Variants in ACSF2 observed in about 807,000 individuals in gnomAD.
ACSF2 encodes the protein acyl-CoA synthetase family member 2.
ACSF2 carries 52 observed loss-of-function variants against 79.3 expected under a neutral mutation model. The observed-to-expected ratio is 0.66, with a 90% CI of 0.53 to 0.83. The LOEUF is 0.83. ACSF2 is among the 40% of genes least tolerant of loss of function. ACSF2 has a pLI of 0.00. For synonymous variants in ACSF2, 283 were observed against 312.6 expected, an observed-to-expected ratio of 0.91 and a Z score of 1.00; for missense variants, 661 against 803.3, an observed-to-expected ratio of 0.82 and a Z score of 2.14.
intron 1 of ACSF2, among the ~76,000 whole-genome samples, chr17:50,427,308 T>TGGA (rs1463337874): frequency 6.6e-6 from 1 of 152,208 alleles, no homozygotes; most frequent in African/African-American, 2.4e-5. Context: ...TAGGAAGAGT[T>TGGA]GGAGGGACAT....
chr17:50,426,240 G>T lies in ACSF2; in HGVS notation c.-22G>T. 4.5e-6 allele frequency: 6 copies of T among 1,323,722 alleles called. No homozygotes were observed. The highest frequency in any genetic ancestry group is 5.8e-6 in the Non-Finnish European group (6 of 1,029,726). 82.0% of individuals were successfully genotyped at this position (1,323,722 alleles called of 1,614,324 possible). A position where few individuals can be genotyped will look rare whatever the true frequency, so the allele number is the denominator to read the frequency against. On this transcript the variant is annotated 5_prime_UTR_variant, in exon 1 of 16. Coordinates refer to ENST00000300441, the MANE Select transcript of ACSF2 (RefSeq NM_025149.6). ...CTCACTTTAAAAGTTTACTCGGGCCGGGACGCAGGGCAAAGCGAGCCATGG... is the reference window on the plus strand; with the variant it reads ...CTCACTTTAAAAGTTTACTCGGGCCTGGACGCAGGGCAAAGCGAGCCATGG...
At chr17:50,454,218 C>T (rs914813597) in intron 1 of ACSF2, among the ~76,000 whole-genome samples, 26 of 148,082 alleles carry the variant, frequency 1.8e-4, no homozygotes, top group African/African-American at 5.3e-4. Context: ...TGCTCTGTCA[C>T]CCAGGCTGGT....
At chr17:50,431,651 T>C (rs6504657) in intron 1 of ACSF2, among the ~76,000 whole-genome samples, 47,631 of 151,996 alleles carry the variant, frequency 0.31, 7,589 homozygotes, top group African/African-American at 0.37. Context: ...AGTGCCACCA[T>C]ACCCAGATCA....
intron 1 of ACSF2, among the ~76,000 whole-genome samples, chr17:50,441,321 C>T (rs564981588): frequency 6.6e-6 from 1 of 152,312 alleles, no homozygotes; most frequent in African/African-American, 2.4e-5. Flanking sequence ...CAGGTATGCA[C>T]GACCACACCC....
chr17:50,461,740 C>A (rs1007317178), intron 4 of ACSF2, 54 bp downstream of exon 4: 11 of 1,601,214 alleles, frequency 6.9e-6, no homozygotes, highest in Admixed American at 5.0e-5. Context: ...CAGGGGGCTG[C>A]ACAGACTCTG....
Position 50,461,951 on chromosome 17 carries a change from T to TGTGTGTGTGTGTGTGCGC in ACSF2, c.508-232_508-231insTGTGTGTGTGTGTGCGCG, listed in dbSNP as rs112810352. Among the ~76,000 whole-genome samples the TGTGTGTGTGTGTGTGCGC allele has an allele frequency of 2.9e-3, 429 of 150,466 alleles. 2 individuals are homozygous for TGTGTGTGTGTGTGTGCGC. Among genetic ancestry groups the TGTGTGTGTGTGTGTGCGC allele is most frequent in the African/African-American group, 9.9e-3 (403 of 40,622 alleles). On this transcript the variant is annotated intron_variant, in intron 4 of 15. Transcript: ENST00000300441. ...AGGTGTGTGTGTGTGTGTGTGTGTGTGCGTGTGTCCATCCTCATATGTGAT... is the reference window on the plus strand; with the variant it reads ...AGGTGTGTGTGTGTGTGTGTGTGTGTGTGTGTGTGTGTGTGCGCGCGTGTGTCCATCCTCATATGTGAT...
rs1370516349 is a variant in ACSF2 at position 50,474,427 on chromosome 17, A to G, written c.1798-75A>G. On this transcript the variant is annotated intron_variant, in intron 15 of 15. Transcript: ENST00000300441. This position sits in a 1 kb window ranked among gnomAD's most constrained non-coding sequence, Gnocchi z 4.2. ...TGGGGACTTTCCCTGTTTTGGCACT[A>G]AGAGCCTGAGAAACCCCTTATTCTT... 8 of 1,561,692 alleles carry G rather than the reference A, an allele frequency of 5.1e-6. No homozygotes were observed. In the East Asian group the frequency reaches 1.3e-4, roughly 26 times the overall value.
chr17:50,458,649 G>A (rs1427579539), intron 1 of ACSF2, among the ~76,000 whole-genome samples: 1 of 152,146 alleles, frequency 6.6e-6, no homozygotes, highest in East Asian at 1.9e-4. Flanking sequence ...TCTCTGCAAG[G>A]ACAGGGACTG....
intron 1 of ACSF2, among the ~76,000 whole-genome samples, chr17:50,446,405 A>G (rs548788363): frequency 2.0e-5 from 3 of 152,054 alleles, no homozygotes; most frequent in Non-Finnish European, 4.4e-5. Context: ...TTACAGGCAC[A>G]TGCCACCATG....
chr17:50,458,112 C>T (rs1396381835), intron 1 of ACSF2, among the ~76,000 whole-genome samples: 1 of 152,132 alleles, frequency 6.6e-6, no homozygotes, highest in East Asian at 1.9e-4. Context: ...TGAGAAGGTT[C>T]CTTCTGATGT....
intron 1 of ACSF2, among the ~76,000 whole-genome samples, chr17:50,447,272 G>A (rs2031361290): frequency 6.6e-6 from 1 of 152,074 alleles, no homozygotes; most frequent in Non-Finnish European, 1.5e-5. Flanking sequence ...AGGTGTGGTG[G>A]CTCACTCTTG....
intron 1 of ACSF2, among the ~76,000 whole-genome samples, chr17:50,451,610 C>A (rs940660067): frequency 6.6e-6 from 1 of 152,144 alleles, no homozygotes; most frequent in Non-Finnish European, 1.5e-5. Context: ...TAACCACACC[C>A]GGCTAATTTT....
At chr17:50,443,306 C>T (rs1283402669) in intron 1 of ACSF2, among the ~76,000 whole-genome samples, 1 of 152,172 alleles carries the variant, frequency 6.6e-6, no homozygotes, top group East Asian at 1.9e-4. Context: ...CCCTTAGATT[C>T]TCCATGGCAG....
intron 1 of ACSF2, among the ~76,000 whole-genome samples, chr17:50,453,704 A>G (rs539982274): frequency 2.0e-5 from 3 of 152,178 alleles, no homozygotes; most frequent in Admixed American, 2.0e-4. Context: ...TGAAGAATGC[A>G]TGAGCTATTT....
intron 10 of ACSF2, chr17:50,468,798 G>A: frequency 1.3e-6 from 2 of 1,549,390 alleles, no homozygotes; most frequent in Non-Finnish European, 1.7e-6. Context: ...CTGAGCAAGA[G>A]CATTGGGCGG....
intron 10 of ACSF2, chr17:50,465,159 G>A: frequency 9.9e-7 from 1 of 1,011,694 alleles, no homozygotes; most frequent in Non-Finnish European, 1.5e-6. Flanking sequence ...AGGGGACCCA[G>A]TCGTCCCCTC....
chr17:50,450,791 C>G (rs958384717), intron 1 of ACSF2: 1 of 152,228 alleles, frequency 6.6e-6, no homozygotes, highest in African/African-American at 2.4e-5. Context: ...CCCATTTGAC[C>G]TCTGTAATCC....
At chr17:50,458,161 G>T (rs1189525895) in intron 1 of ACSF2, among the ~76,000 whole-genome samples, 1 of 152,172 alleles carries the variant, frequency 6.6e-6, no homozygotes. Flanking sequence ...CATAAACACA[G>T]ATCCTGGTTC....
Position 50,474,562 on chromosome 17 carries a change from C to G in ACSF2, c.*10C>G, listed in dbSNP as rs141756545. 2.9e-4 allele frequency: 470 copies of G among 1,613,972 alleles called. 1 individual carries two copies. The African/African-American group carries it at 5.5e-3, about 19-fold the overall frequency. On this transcript the variant is annotated 3_prime_UTR_variant, in exon 16 of 16. Transcript: ENST00000300441. The surrounding 1 kb of genome is among the most constrained non-coding windows in gnomAD (Gnocchi z 4.2). ...ACATCTAAATCTGTGAATAAAGCAG[C>G]AGGCCTGTCCTGGCCGGTTGGCTTG...
Sources: gnomAD v4.1 joint callset for allele counts (sites outside exome capture counted in the v4.1 genomes callset) on GRCh38, gnomAD v4.1.1 for gene constraint, Gnocchi (gnomAD v3.1) non-coding constraint, MANE v1.5 for transcripts, NCBI Gene and HGNC (gene_info 2026-07-23, HGNC 2026-07-21) for gene names.